CCDC82: variants seen among roughly 807,000 people sequenced by gnomAD.
CCDC82 encodes the protein coiled-coil domain containing 82.
Under a neutral mutation model 60.6 loss-of-function variants are expected in CCDC82, and 47 were observed. The ratio of observed to expected loss-of-function variants is 0.77; its 90% confidence interval spans 0.61 to 0.99. CCDC82 has a LOEUF of 0.99. Among genes scored for constraint, CCDC82 ranks in the 50% least tolerant of loss-of-function variants. The pLI is 0.00. For synonymous variants in CCDC82, 212 were observed against 207.4 expected, an observed-to-expected ratio of 1.02 and a Z score of -0.19; for missense variants, 588 against 633.0, an observed-to-expected ratio of 0.93 and a Z score of 0.76.
intron 9 of CCDC82, chr11:96,358,366 C>T (rs1362509665): frequency 9.0e-6 from 11 of 1,218,228 alleles, no homozygotes; most frequent in Non-Finnish European, 1.1e-5. Context: ...AGCAGATCTT[C>T]GGGAATCCAG....
chr11:96,358,443 T>C, intron 9 of CCDC82: 1 of 1,229,434 alleles, frequency 8.1e-7, no homozygotes, highest in Non-Finnish European at 1.0e-6. Context: ...TATGGGGGAA[T>C]CAAAATCAGT....
chr11:96,380,785 A>C (rs1865837131), intron 5 of CCDC82: 1 of 151,846 alleles, frequency 6.6e-6, no homozygotes, highest in African/African-American at 2.4e-5. Context: ...GGCAAAAGCA[A>C]AACTATGGAG....
intron 5 of CCDC82, chr11:96,381,601 T>C (rs1160750999): frequency 1.3e-5 from 2 of 151,788 alleles, no homozygotes; most frequent in Non-Finnish European, 3.0e-5. Context: ...TGTAGAATTA[T>C]AGGAATCATA....
intron 5 of CCDC82, among the ~76,000 whole-genome samples, chr11:96,377,823 T>G (rs1202094389): frequency 1.3e-5 from 2 of 152,102 alleles, no homozygotes; most frequent in Admixed American, 6.6e-5. Flanking sequence ...TTTTCATCAA[T>G]TTATTAGCAA....
intron 7 of CCDC82, among the ~76,000 whole-genome samples, chr11:96,366,843 G>T (rs1864976081): frequency 6.6e-6 from 1 of 152,160 alleles, no homozygotes; most frequent in African/African-American, 2.4e-5. Flanking sequence ...GTATACCTCA[G>T]AGAAACTGCA....
intron 8 of CCDC82, chr11:96,359,423 T>C (rs1176374021): frequency 1.2e-5 from 4 of 343,732 alleles, no homozygotes; most frequent in Non-Finnish European, 2.1e-5. Context: ...GCTTACAGTT[T>C]TGAGAGAAAG....
chr11:96,378,859 A>G (rs1402402201), intron 5 of CCDC82, among the ~76,000 whole-genome samples: 1 of 152,056 alleles, frequency 6.6e-6, no homozygotes, highest in Non-Finnish European at 1.5e-5. Flanking sequence ...ACTAATAGGG[A>G]TTGATAATAA....
chr11:96,379,928 A>G (rs1355637303), intron 5 of CCDC82, among the ~76,000 whole-genome samples: 2 of 151,794 alleles, frequency 1.3e-5, no homozygotes, highest in Non-Finnish European at 3.0e-5. Context: ...ATAGTTGAGG[A>G]TGGAACCCCT....
intron 5 of CCDC82, among the ~76,000 whole-genome samples, chr11:96,379,529 C>T (rs1865760598): frequency 6.6e-6 from 1 of 151,702 alleles, no homozygotes; most frequent in African/African-American, 2.4e-5. Flanking sequence ...AAAAGGGAAG[C>T]TGGTTAACTA....
At chr11:96,358,391 C>G (rs1270843139) in intron 9 of CCDC82, 10 of 1,224,102 alleles carry the variant, frequency 8.2e-6, no homozygotes, top group African/African-American at 7.8e-5. Flanking sequence ...CTCTTCAAAA[C>G]CCCCACTTTA....
chr11:96,373,838 AAT>A (rs1408455384), intron 5 of CCDC82, among the ~76,000 whole-genome samples: 1 of 152,204 alleles, frequency 6.6e-6, no homozygotes, highest in Non-Finnish European at 1.5e-5. Context: ...AAGACAGATT[AAT>A]ATGTCTTATT....
chr11:96,374,585 T>G (rs1331187458), intron 5 of CCDC82, among the ~76,000 whole-genome samples: 1 of 152,218 alleles, frequency 6.6e-6, no homozygotes, highest in East Asian at 1.9e-4. Flanking sequence ...ATCATGGCCT[T>G]TAATGAATAT....
intron 1 of CCDC82, chr11:96,388,170 T>C (rs940348304): frequency 6.6e-6 from 1 of 152,158 alleles, no homozygotes; most frequent in African/African-American, 2.4e-5. Flanking sequence ...CTATATTAGC[T>C]GGGAAGGGAA....
intron 5 of CCDC82, among the ~76,000 whole-genome samples, chr11:96,375,934 C>T (rs1176216331): frequency 6.6e-6 from 1 of 152,208 alleles, no homozygotes; most frequent in Non-Finnish European, 1.5e-5. Flanking sequence ...TCCTTCAGAG[C>T]TTTTCTCATA....
chr11:96,355,446 TACTA>T (rs898525780), intron 9 of CCDC82: 1 of 152,184 alleles, frequency 6.6e-6, no homozygotes, highest in African/African-American at 2.4e-5. Context: ...ATCAATCACT[TACTA>T]ATTGCTAGGT....
intron 8 of CCDC82, chr11:96,364,220 G>C (rs868580862): frequency 2.4e-4 from 37 of 152,044 alleles, no homozygotes; most frequent in African/African-American, 8.2e-4. Flanking sequence ...GGGGAAATTT[G>C]CATATGACTA....
At chr11:96,380,010 T>C (rs904403264) in intron 5 of CCDC82, among the ~76,000 whole-genome samples, 4 of 151,708 alleles carry the variant, frequency 2.6e-5, no homozygotes, top group African/African-American at 9.7e-5. Flanking sequence ...GCAAGAAAAG[T>C]AGGGTACCAC....
chr11:96,358,951 C>T (rs1864484936), intron 9 of CCDC82, 42 bp downstream of exon 9: 3 of 1,471,684 alleles, frequency 2.0e-6, no homozygotes, highest in Non-Finnish European at 2.8e-6. Flanking sequence ...CATAATTAGC[C>T]TTCAGAATCT....
intron 5 of CCDC82, among the ~76,000 whole-genome samples, chr11:96,373,698 C>G (rs1301732433): frequency 6.6e-6 from 1 of 152,144 alleles, no homozygotes; most frequent in Non-Finnish European, 1.5e-5. Flanking sequence ...CAAATCTTTA[C>G]TTCCCAAACT....
Sources: gnomAD v4.1 joint callset for allele counts (sites outside exome capture counted in the v4.1 genomes callset) on GRCh38, gnomAD v4.1.1 for gene constraint, MANE v1.5 for transcripts, NCBI Gene and HGNC (gene_info 2026-07-23, HGNC 2026-07-21) for gene names.